SP140: variants seen among roughly 807,000 people sequenced by gnomAD.
The protein encoded by SP140 is SP140 nuclear body protein, also known as nuclear body protein SP140.
In SP140, 81 loss-of-function variants were observed where a neutral mutation model predicts 125.0. The observed-to-expected ratio is 0.65, with a 90% CI of 0.54 to 0.78. The LOEUF (loss-of-function observed/expected upper bound fraction) is 0.78, where lower values mean the gene tolerates loss of function less well. Among genes scored for constraint, SP140 ranks in the 30% least tolerant of loss-of-function variants. The pLI is 0.00. For missense variants in SP140, 858 were observed against 1,037.0 expected (o/e 0.83, Z 2.37); for synonymous variants, 312 against 354.0 (o/e 0.88, Z 1.33).
intron 1 of SP140, among the ~76,000 whole-genome samples, chr2:230,233,000 C>G (rs2047471053): frequency 6.6e-6 from 1 of 152,010 alleles, no homozygotes; most frequent in Non-Finnish European, 1.5e-5. Context: ...TGTTATGTCT[C>G]TTGTAGTTAG....
At chr2:230,207,145 G>GT (rs973095932) in intron 1 of SP140, among the ~76,000 whole-genome samples, 1 of 152,110 alleles carries the variant, frequency 6.6e-6, no homozygotes, top group Non-Finnish European at 1.5e-5. Context: ...AAGCAGCAAA[G>GT]TTTTTTCTTT....
intron 22 of SP140, 73 bp downstream of exon 22, chr2:230,297,535 A>C (rs1385722898): frequency 6.5e-7 from 1 of 1,544,668 alleles, no homozygotes; most frequent in Non-Finnish European, 8.9e-7. Flanking sequence ...CTGTGTCATG[A>C]CTGCTGTTGC....
At chr2:230,263,953 G>A (rs2052671563) in intron 12 of SP140, among the ~76,000 whole-genome samples, 1 of 152,112 alleles carries the variant, frequency 6.6e-6, no homozygotes, top group Admixed American at 6.6e-5. Flanking sequence ...GTGCCTAGGC[G>A]AAGATCTTTT....
chr2:230,260,437 T>C (rs923469471), intron 12 of SP140, among the ~76,000 whole-genome samples: 11 of 152,256 alleles, frequency 7.2e-5, no homozygotes, highest in Non-Finnish European at 1.2e-4. Context: ...GCAAAAGCTC[T>C]TAGGTTTAAT....
In SP140 at chr2:230,206,745, G is replaced by A. The variant is rs181013101; in HGVS notation, c.-323+3466G>A. ...GCCCTAGTCCCGGAGACACAGAAAT[G>A]TATGCAATATAAATATAGGAAATAC... is the stretch of plus-strand genomic sequence containing the variant. On this transcript the variant is annotated intron_variant, in intron 1 of 4. Coordinates refer to the SP140 transcript ENST00000456542. Among the ~76,000 whole-genome samples the A allele has an allele frequency of 3.3e-3, 498 of 150,616 alleles. 3 individuals are homozygous for A. Among genetic ancestry groups the A allele is most frequent in the African/African-American group, 0.012 (475 of 41,060 alleles).
At chr2:230,202,943 A>T, upstream of SP140, 1 of 590,834 alleles carries the variant, frequency 1.7e-6, no homozygotes, top group Non-Finnish European at 3.0e-6. Flanking sequence ...ATCTGCTTTC[A>T]CTCCTGGTAT....
rs752436309 is a variant in SP140, at chr2:230,247,994, G to A, written c.821G>A (p.Gly274Asp). 6.2e-7 allele frequency: 1 copy of A among 1,613,872 alleles called. No individual in the cohort carries two copies. The highest frequency in any genetic ancestry group is 2.2e-5 in the East Asian group (1 of 44,856). ...APGEKQGEEE[G>D]RNSPRKRNQD... ...GGGGAGAAACAGGGAGAGGAGGAAG[G>A]CAGGAACAGTCCCAGAAAAAGAAAC... Residue 274 changes from glycine (G) to aspartate (D), a missense_variant, in exon 8 of 27, where the codon GGC (glycine) becomes GAC (aspartate). Gly to Asp is a moderately conservative substitution (Grantham distance 94). This residue lies in a region of SP140 where 791 missense variants were observed against 869.5 expected (regional missense o/e 0.91). Coordinates refer to ENST00000392045, the MANE Select transcript of SP140 (RefSeq NM_007237.5).
chr2:230,212,252 C>T, intron 1 of SP140: 1 of 913,190 alleles, frequency 1.1e-6, no homozygotes, highest in Non-Finnish European at 1.8e-6. Context: ...AGTTCTTTTT[C>T]CCAGGGTTCC....
intron 15 of SP140, among the ~76,000 whole-genome samples, chr2:230,272,116 A>G (rs2054015058): frequency 2.0e-5 from 3 of 152,234 alleles, no homozygotes; most frequent in Admixed American, 2.0e-4. Flanking sequence ...AAGAATCAAT[A>G]TCATTTTAAA....
chr2:230,240,092 G>T (rs536243869), intron 3 of SP140, among the ~76,000 whole-genome samples: 4 of 152,170 alleles, frequency 2.6e-5, no homozygotes, highest in Admixed American at 1.3e-4. Flanking sequence ...GAAGTAGAAT[G>T]AATTGTAAAA....
In SP140 at chr2:230,211,376, A is replaced by G. The variant is rs1574747889; in HGVS notation, c.-322-2278A>G. 2.4e-6 allele frequency: 2 copies of G among 837,064 alleles called. No individual in the cohort carries two copies. The allele number at this position is 837,064 out of a possible 1,614,324, so 51.9% of individuals were successfully genotyped here. A position where few individuals can be genotyped will look rare whatever the true frequency, so the allele number is the denominator to read the frequency against. ...TGGGCCAAGATTGCTGAGAGGCAGGAGGAGAGCCCCCTCTCTAGAAGATCC... is the reference window on the plus strand; with the variant it reads ...TGGGCCAAGATTGCTGAGAGGCAGGGGGAGAGCCCCCTCTCTAGAAGATCC... On this transcript the variant is annotated intron_variant, in intron 1 of 4. Coordinates refer to the SP140 transcript ENST00000456542. This position sits in a 1 kb window ranked among gnomAD's most constrained non-coding sequence, Gnocchi z 4.2.
chr2:230,220,341 TGTG>T (rs1183565247), intron 3 of SP140, among the ~76,000 whole-genome samples: 2 of 152,244 alleles, frequency 1.3e-5, no homozygotes, highest in Non-Finnish European at 2.9e-5. Flanking sequence ...CAAACTGGAT[TGTG>T]GTGATGTTTA....
At chr2:230,259,506 C>T (rs115714665) in intron 12 of SP140, among the ~76,000 whole-genome samples, 2,659 of 147,844 alleles carry the variant, frequency 0.018, 76 homozygotes, top group African/African-American at 0.061. Context: ...GGCAAAACCC[C>T]GCCTCCGCTA....
downstream of SP140, among the ~76,000 whole-genome samples, chr2:230,313,656 T>C (rs2059458086): frequency 6.6e-6 from 1 of 152,214 alleles, no homozygotes; most frequent in South Asian, 2.1e-4. Flanking sequence ...TCCCAGAATG[T>C]GCTTCTGGGG....
At chr2:230,225,543 A>T (rs1237811643), upstream of SP140, 1 of 456,254 alleles carries the variant, frequency 2.2e-6, no homozygotes, top group African/African-American at 2.0e-5. Context: ...ACCTCAAAAC[A>T]ACTTTGATCT....
intron 19 of SP140, among the ~76,000 whole-genome samples, chr2:230,291,072 A>G (rs1455801016): frequency 6.6e-6 from 1 of 152,254 alleles, no homozygotes; most frequent in Non-Finnish European, 1.5e-5. Flanking sequence ...AACAATAATG[A>G]AAAACCTGCC....
chr2:230,223,792 A>G (rs1022921061), upstream of SP140, among the ~76,000 whole-genome samples: 4 of 152,218 alleles, frequency 2.6e-5, no homozygotes, highest in Non-Finnish European at 5.9e-5. Context: ...CCCCAATTCC[A>G]GGTGTCAGAT....
chr2:230,307,794 G>A (rs2058904451), intron 22 of SP140, among the ~76,000 whole-genome samples: 1 of 151,976 alleles, frequency 6.6e-6, no homozygotes, highest in Admixed American at 6.5e-5. Context: ...AGGCCAAGTG[G>A]GTGGAAGGAG....
At chr2:230,293,704 A>G (rs2057384954) in intron 20 of SP140, among the ~76,000 whole-genome samples, 1 of 152,174 alleles carries the variant, frequency 6.6e-6, no homozygotes, top group Non-Finnish European at 1.5e-5. Context: ...TAGAATGCTC[A>G]GTTCAAGTGT....
Sources: gnomAD v4.1 joint callset for allele counts (sites outside exome capture counted in the v4.1 genomes callset) on GRCh38, gnomAD v4.1.1 for gene constraint, gnomAD v4.1.1 regional missense constraint, Gnocchi (gnomAD v3.1) non-coding constraint, MANE v1.5 for transcripts, NCBI Gene and HGNC (gene_info 2026-07-23, HGNC 2026-07-21) for gene names.